Variants in ULK4 observed in about 807,000 individuals in gnomAD.
The protein encoded by ULK4 is unc-51 like kinase 4.
ULK4 carries 133 observed loss-of-function variants against 160.6 expected under a neutral mutation model. The ratio of observed to expected loss-of-function variants is 0.83; its 90% confidence interval spans 0.72 to 0.96. The LOEUF (loss-of-function observed/expected upper bound fraction) is 0.96. ULK4 is among the 40% of genes least tolerant of loss of function. The probability of loss-of-function intolerance (pLI) is 0.00; values close to 1 mark genes in which losing one functional copy is unlikely to be tolerated. For missense variants in ULK4, 1,580 were observed against 1,499.5 expected, an observed-to-expected ratio of 1.05 and a Z score of -0.89; for synonymous variants, 534 against 539.8, an observed-to-expected ratio of 0.99 and a Z score of 0.15.
At chr3:41,578,709 T>C (rs2029915336) in intron 31 of ULK4, among the ~76,000 whole-genome samples, 1 of 152,112 alleles carries the variant, frequency 6.6e-6, no homozygotes, top group Admixed American at 6.5e-5. Context: ...AGTCTTGTGG[T>C]GGGAAAAGGT....
At chr3:41,333,484 C>T (rs1036160475) in intron 35 of ULK4, among the ~76,000 whole-genome samples, 2 of 152,006 alleles carry the variant, frequency 1.3e-5, no homozygotes, top group African/African-American at 4.8e-5. Context: ...CCAAAATCAG[C>T]GGATGTTTCT....
intron 17 of ULK4, among the ~76,000 whole-genome samples, chr3:41,843,790 C>A (rs1187826044): frequency 6.6e-6 from 1 of 152,130 alleles, no homozygotes; most frequent in Non-Finnish European, 1.5e-5. Context: ...TGCTTTTATT[C>A]TCTTATCTGG....
chr3:41,458,430 T>G (rs2125874458), intron 33 of ULK4, among the ~76,000 whole-genome samples: 1 of 152,294 alleles, frequency 6.6e-6, no homozygotes, highest in Admixed American at 6.5e-5. Context: ...TGCTAAAACC[T>G]GCTGGAGATA....
intron 34 of ULK4, among the ~76,000 whole-genome samples, chr3:41,434,946 T>A (rs2083000052): frequency 6.6e-6 from 1 of 152,244 alleles, no homozygotes; most frequent in Non-Finnish European, 1.5e-5. Context: ...ATTTGCAGTG[T>A]TTCTGCATGA....
At chr3:41,889,739 T>A (rs1186985577) in intron 16 of ULK4, among the ~76,000 whole-genome samples, 1 of 152,034 alleles carries the variant, frequency 6.6e-6, no homozygotes, top group African/African-American at 2.4e-5. Flanking sequence ...GAACACAGAG[T>A]TATCATTTTA....
chr3:41,567,314 A>G (rs1193841553), intron 31 of ULK4, among the ~76,000 whole-genome samples: 1 of 152,164 alleles, frequency 6.6e-6, no homozygotes, highest in Non-Finnish European at 1.5e-5. Context: ...ATTAGAAGAT[A>G]GCAAGTACTC....
At chr3:41,859,430 T>C (rs959821270) in intron 17 of ULK4, 17 of 559,072 alleles carry the variant, frequency 3.0e-5, no homozygotes, top group Non-Finnish European at 5.0e-5. Flanking sequence ...TGGGCCAGAA[T>C]TGAAATCAGC....
intron 31 of ULK4, among the ~76,000 whole-genome samples, chr3:41,601,281 A>G (rs964870138): frequency 2.0e-5 from 3 of 152,204 alleles, no homozygotes; most frequent in Non-Finnish European, 2.9e-5. Context: ...AAAAACACAA[A>G]TTTCCAAAAT....
At chr3:41,497,299 T>C (rs2700444) in intron 32 of ULK4, among the ~76,000 whole-genome samples, 102,479 of 151,810 alleles carry the variant, frequency 0.68, 35,742 homozygotes, top group Middle Eastern at 0.78. Context: ...AACCTGAAAA[T>C]AGATCTATAG....
chr3:41,695,832 C>G (rs1166377852), intron 27 of ULK4, among the ~76,000 whole-genome samples: 1 of 152,128 alleles, frequency 6.6e-6, no homozygotes. Flanking sequence ...AGCAATTACT[C>G]TTTATTCCAA....
chr3:41,470,689 G>C (rs1395547638), intron 32 of ULK4, among the ~76,000 whole-genome samples: 1 of 152,078 alleles, frequency 6.6e-6, no homozygotes, highest in Non-Finnish European at 1.5e-5. Context: ...ATTACAAAAT[G>C]ATGTAAATTC....
At chr3:41,822,722 AT>A (rs1199516780) in intron 18 of ULK4, among the ~76,000 whole-genome samples, 316 of 109,454 alleles carry the variant, frequency 2.9e-3, no homozygotes, top group Middle Eastern at 7.0e-3. Context: ...CCGGGCTGAG[AT>A]TTTTTTTTTT....
intron 19 of ULK4, among the ~76,000 whole-genome samples, chr3:41,808,207 G>T (rs2040710744): frequency 6.6e-6 from 1 of 152,036 alleles, no homozygotes; most frequent in South Asian, 2.1e-4. Flanking sequence ...CTTGCTCTTT[G>T]TCTTATTTCT....
chr3:41,274,036 T>A (rs1005430375), intron 35 of ULK4, among the ~76,000 whole-genome samples: 1 of 152,092 alleles, frequency 6.6e-6, no homozygotes, highest in Non-Finnish European at 1.5e-5. Flanking sequence ...ATTTTTTTTT[T>A]ATACTAACAC....
intron 32 of ULK4, among the ~76,000 whole-genome samples, chr3:41,466,995 T>G (rs1480124003): frequency 6.6e-6 from 1 of 152,074 alleles, no homozygotes. Flanking sequence ...AAAATCACAA[T>G]GGGATATCAC....
chr3:41,359,382 G>A (rs188847527), intron 35 of ULK4, among the ~76,000 whole-genome samples: 1 of 152,248 alleles, frequency 6.6e-6, no homozygotes, highest in Non-Finnish European at 1.5e-5. Context: ...ATGGAGAGGA[G>A]TAGCAGTCTT....
chr3:41,404,233 T>C (rs1212296177), intron 34 of ULK4, among the ~76,000 whole-genome samples: 1 of 151,678 alleles, frequency 6.6e-6, no homozygotes, highest in African/African-American at 2.4e-5. Flanking sequence ...ATCATTTTTT[T>C]TTTTTTTTTT....
intron 35 of ULK4, among the ~76,000 whole-genome samples, chr3:41,374,962 C>CA (rs1328353475): frequency 2.0e-5 from 3 of 151,980 alleles, no homozygotes; most frequent in African/African-American, 4.8e-5. Context: ...AATCAATGTG[C>CA]AAAAATCAGA....
chr3:41,719,024 CT>C (rs2037366723), intron 22 of ULK4, among the ~76,000 whole-genome samples: 1 of 152,316 alleles, frequency 6.6e-6, no homozygotes, highest in East Asian at 1.9e-4. Flanking sequence ...TTCAATCTGG[CT>C]TTCTCTCTCA....
Sources: gnomAD v4.1 joint callset for allele counts (sites outside exome capture counted in the v4.1 genomes callset) on GRCh38, gnomAD v4.1.1 for gene constraint, MANE v1.5 for transcripts, NCBI Gene and HGNC (gene_info 2026-07-23, HGNC 2026-07-21) for gene names.